Variants in SCHIP1 observed in about 807,000 individuals in gnomAD.
SCHIP1 encodes schwannomin-interacting protein 1.
In SCHIP1, 8 loss-of-function variants were observed where a neutral mutation model predicts 29.7. The ratio of observed to expected loss-of-function variants is 0.27; its 90% CI spans 0.16 to 0.49. The LOEUF (loss-of-function observed/expected upper bound fraction) is 0.49, where lower values mean the gene tolerates loss of function less well. Among genes scored for constraint, SCHIP1 ranks in the 20% least tolerant of loss-of-function variants. The pLI is 0.99. For missense variants in SCHIP1, 193 were observed against 294.6 expected (o/e 0.66, Z 2.52); for synonymous variants, 76 against 94.9 (o/e 0.80, Z 1.16).
chr3:159,303,108 G>A, the SCHIP1 span, among the ~76,000 whole-genome samples: 1 of 152,226 alleles, frequency 6.6e-6, no homozygotes, highest in African/African-American at 2.4e-5. Context: ...TTTGGTTTTA[G>A]AGCATACACT....
At chr3:159,391,804 A>ATACTT in the SCHIP1 span, among the ~76,000 whole-genome samples, 2 of 152,204 alleles carry the variant, frequency 1.3e-5, no homozygotes, top group African/African-American at 2.4e-5. Context: ...GTCAATTTCT[A>ATACTT]TACTTTACAG....
At chr3:159,817,495 C>T in the SCHIP1 span, among the ~76,000 whole-genome samples, 3 of 152,086 alleles carry the variant, frequency 2.0e-5, no homozygotes, top group African/African-American at 4.8e-5. Context: ...TTTGTGTGGC[C>T]ACTCTGGGTG....
At chr3:159,361,550 C>T in the SCHIP1 span, among the ~76,000 whole-genome samples, 1 of 152,160 alleles carries the variant, frequency 6.6e-6, no homozygotes, top group African/African-American at 2.4e-5. Flanking sequence ...GAAATTGGAA[C>T]CACTGCAGGG....
the SCHIP1 span, among the ~76,000 whole-genome samples, chr3:159,802,376 T>C: frequency 4.3e-4 from 66 of 152,326 alleles, no homozygotes; most frequent in Non-Finnish European, 8.1e-4. Context: ...AAGTAACCAG[T>C]ATTTTACTTT....
the SCHIP1 span, among the ~76,000 whole-genome samples, chr3:159,704,530 C>T: frequency 1.3e-5 from 2 of 151,314 alleles, no homozygotes; most frequent in Non-Finnish European, 2.9e-5. Context: ...CAGGCACATG[C>T]TCTTTAAATA....
At chr3:159,339,965 C>T in the SCHIP1 span, among the ~76,000 whole-genome samples, 1 of 151,838 alleles carries the variant, frequency 6.6e-6, no homozygotes, top group Non-Finnish European at 1.5e-5. Context: ...ATTCTAATAA[C>T]CAGGAATTAT....
chr3:159,617,060 G>A, the SCHIP1 span, among the ~76,000 whole-genome samples: 265 of 152,308 alleles, frequency 1.7e-3, no homozygotes, highest in Admixed American at 4.1e-3. Context: ...CTGAGTTAGA[G>A]CATTGATGCT....
chr3:159,544,604 A>G, the SCHIP1 span, among the ~76,000 whole-genome samples: 648 of 152,200 alleles, frequency 4.3e-3, 4 homozygotes, highest in African/African-American at 0.015. Flanking sequence ...AAGACTGATG[A>G]AGTTAAGCAT....
chr3:159,603,646 C>G, the SCHIP1 span, among the ~76,000 whole-genome samples: 1 of 152,144 alleles, frequency 6.6e-6, no homozygotes, highest in Non-Finnish European at 1.5e-5. Flanking sequence ...GAAAAGTATC[C>G]TGTTTTAAGG....
the SCHIP1 span, among the ~76,000 whole-genome samples, chr3:159,408,112 C>A: frequency 4.6e-5 from 7 of 152,008 alleles, no homozygotes; most frequent in Non-Finnish European, 8.8e-5. Flanking sequence ...TCCTGGCTAA[C>A]ACGGTGAAAC....
chr3:159,376,428 ACCTGCCTC>A, the SCHIP1 span, among the ~76,000 whole-genome samples: 3 of 152,142 alleles, frequency 2.0e-5, no homozygotes, highest in Non-Finnish European at 4.4e-5. Context: ...AGCTGTGGCC[ACCTGCCTC>A]CCCCCAAAAA....
At chr3:159,705,056 C>A in the SCHIP1 span, among the ~76,000 whole-genome samples, 1 of 151,888 alleles carries the variant, frequency 6.6e-6, no homozygotes, top group African/African-American at 2.4e-5. Context: ...TTCCACATCC[C>A]GTGTTCAAGC....
At chr3:159,591,140 C>A in the SCHIP1 span, among the ~76,000 whole-genome samples, 39 of 152,288 alleles carry the variant, frequency 2.6e-4, no homozygotes, top group African/African-American at 8.7e-4. Flanking sequence ...CTTTCGGATT[C>A]CTAGAGCCTG....
At chr3:159,399,883 GC>G in the SCHIP1 span, among the ~76,000 whole-genome samples, 1 of 152,084 alleles carries the variant, frequency 6.6e-6, no homozygotes, top group Non-Finnish European at 1.5e-5. Context: ...TCACTATGTT[GC>G]CCAGGCTGGT....
chr3:159,367,389 A>T, the SCHIP1 span, among the ~76,000 whole-genome samples: 1 of 145,096 alleles, frequency 6.9e-6, no homozygotes. Context: ...AAGACCAAAA[A>T]CTCCATCTCA....
intron 2 of SCHIP1, among the ~76,000 whole-genome samples, chr3:159,872,441 C>T (rs1202769995): frequency 6.6e-6 from 1 of 152,044 alleles, no homozygotes; most frequent in African/African-American, 2.4e-5. Flanking sequence ...CCTACAAGCC[C>T]CTGAAGCCTA....
the SCHIP1 span, among the ~76,000 whole-genome samples, chr3:159,550,790 T>C: frequency 6.6e-6 from 1 of 152,098 alleles, no homozygotes; most frequent in Non-Finnish European, 1.5e-5. Context: ...GACTTAACTA[T>C]TGCCAGAAAA....
At chr3:159,836,870 G>GT (rs1743713398), upstream of SCHIP1, among the ~76,000 whole-genome samples, 1 of 152,190 alleles carries the variant, frequency 6.6e-6, no homozygotes, top group Non-Finnish European at 1.5e-5. Flanking sequence ...TCTGTTTAAA[G>GT]TTTTTTGCAC....
the SCHIP1 span, among the ~76,000 whole-genome samples, chr3:159,574,792 G>A: frequency 6.6e-6 from 1 of 152,358 alleles, no homozygotes; most frequent in African/African-American, 2.4e-5. Flanking sequence ...CAGCCACTAT[G>A]TTTACCTACT....
Sources: allele counts gnomAD v4.1 joint callset (sites outside exome capture counted in the v4.1 genomes callset), GRCh38; gene constraint gnomAD v4.1.1; transcripts MANE v1.5; gene names NCBI Gene and HGNC (gene_info 2026-07-23, HGNC 2026-07-21).